The following EML4 variants were observed in gnomAD, a reference collection of about 807,000 sequenced individuals.
EML4 encodes EMAP like 4, also known as echinoderm microtubule-associated protein-like 4.
Under a neutral mutation model 129.0 loss-of-function variants are expected in EML4, and 72 were observed. That is an observed-to-expected ratio of 0.56 (90% CI 0.46 to 0.68). EML4 has a LOEUF of 0.68. Among genes scored for constraint, EML4 ranks in the 30% least tolerant of loss-of-function variants. EML4 has a pLI of 0.00. For missense variants in EML4, 1,363 were observed against 1,190.6 expected (o/e 1.14, Z -2.13); for synonymous variants, 532 against 405.0 (o/e 1.31, Z -3.77).
chr2:42,187,181 C>T (rs541055287), intron 1 of EML4, among the ~76,000 whole-genome samples: 1 of 151,850 alleles, frequency 6.6e-6, no homozygotes, highest in East Asian at 1.9e-4. Flanking sequence ...GTAGCTGGGA[C>T]TATAGGCACA....
At chr2:42,252,140 G>T (rs145347770) in intron 2 of EML4, among the ~76,000 whole-genome samples, 1 of 152,272 alleles carries the variant, frequency 6.6e-6, no homozygotes, top group Non-Finnish European at 1.5e-5. Context: ...TTGAGCTTTG[G>T]AATATGCGGC....
intron 21 of EML4, among the ~76,000 whole-genome samples, chr2:42,327,076 T>C (rs938533994): frequency 3.3e-5 from 5 of 152,198 alleles, no homozygotes; most frequent in Admixed American, 2.6e-4. Flanking sequence ...CTGTATAGTT[T>C]ATATAAGGGG....
At chr2:42,219,562 A>T (rs946323479) in intron 1 of EML4, among the ~76,000 whole-genome samples, 3 of 152,214 alleles carry the variant, frequency 2.0e-5, no homozygotes, top group Non-Finnish European at 2.9e-5. Flanking sequence ...ACAAAATTTT[A>T]AAAAATCAAA....
At chr2:42,220,980 G>T (rs1193670267) in intron 1 of EML4, among the ~76,000 whole-genome samples, 2 of 152,162 alleles carry the variant, frequency 1.3e-5, no homozygotes, top group African/African-American at 4.8e-5. Flanking sequence ...GAAGTTTGAA[G>T]CTAGCAGAGA....
chr2:42,300,631 T>C (rs1668231438), intron 13 of EML4, among the ~76,000 whole-genome samples: 1 of 152,226 alleles, frequency 6.6e-6, no homozygotes, highest in African/African-American at 2.4e-5. Context: ...ACTTCTGTAG[T>C]GCCCCCATAT....
chr2:42,299,358 C>G (rs1668145415), intron 13 of EML4, among the ~76,000 whole-genome samples: 1 of 152,180 alleles, frequency 6.6e-6, no homozygotes, highest in South Asian at 2.1e-4. Flanking sequence ...TAAAAAAGAA[C>G]AATCTCAGTA....
At chr2:42,283,984 A>G (rs1667154254) in intron 8 of EML4, among the ~76,000 whole-genome samples, 1 of 152,220 alleles carries the variant, frequency 6.6e-6, no homozygotes, top group Non-Finnish European at 1.5e-5. Context: ...ATGGACATAA[A>G]GATGTCTTTT....
At position 42,303,408 on chromosome 2, in the gene EML4, T is replaced by C; in HGVS notation, c.1861T>C (p.Ser621Pro). 6.2e-7 allele frequency: 1 copy of C among 1,614,090 alleles called. No homozygotes were observed. Residue 621 changes from serine (S) to proline (P), a missense_variant, in exon 16 of 23, where the codon TCA becomes CCA. Ser to Pro is a moderately conservative substitution (Grantham distance 74). Transcript: ENST00000318522. ...GGACAGGCAGGTGTGCCTGTGGAAC[T>C]CAATGGAACACAGGCTGGAATGGAC... ...AQDRQVCLWN[S>P]MEHRLEWTRL...
At chr2:42,230,695 C>T (rs1043917704) in intron 1 of EML4, among the ~76,000 whole-genome samples, 13 of 152,140 alleles carry the variant, frequency 8.5e-5, no homozygotes, top group Admixed American at 2.0e-4. Context: ...CGTGAGCCAC[C>T]GTGCCCAGCC....
intron 1 of EML4, among the ~76,000 whole-genome samples, chr2:42,202,728 C>G (rs112645906): frequency 6.6e-6 from 1 of 152,082 alleles, no homozygotes; most frequent in South Asian, 2.1e-4. Flanking sequence ...GTGCCCACCC[C>G]GATTGAGGGT....
At chr2:42,260,203 T>C (rs932282516) in intron 3 of EML4, among the ~76,000 whole-genome samples, 25 of 152,182 alleles carry the variant, frequency 1.6e-4, no homozygotes, top group African/African-American at 5.5e-4. Context: ...AGTCTCGCAC[T>C]GTCATCCAGG....
chr2:42,215,634 ATATC>A (rs1673140418), intron 1 of EML4, among the ~76,000 whole-genome samples: 1 of 152,140 alleles, frequency 6.6e-6, no homozygotes, highest in Non-Finnish European at 1.5e-5. Context: ...GGGTTACCAT[ATATC>A]TATCTGTTAT....
At chr2:42,200,852 G>C (rs987626454) in intron 1 of EML4, among the ~76,000 whole-genome samples, 1 of 152,134 alleles carries the variant, frequency 6.6e-6, no homozygotes, top group African/African-American at 2.4e-5. Flanking sequence ...CGCTTTGCAG[G>C]GGACAGTAGG....
At position 42,280,877 on chromosome 2, in the gene EML4, G is replaced by A. The variant is rs149615272; in HGVS notation, c.695G>A (p.Arg232His). ...QEGEYIKMFM[R>H]GRPITMFIPS... Reference sequence around the variant, plus strand: ...GGAGAATATATTAAAATGTTTATGCGCGGTCGGCCAATTACCATGTTCATT... The same window carrying A: ...GGAGAATATATTAAAATGTTTATGCACGGTCGGCCAATTACCATGTTCATT... The change falls in exon 7 of 23, where the codon CGC (arginine) becomes CAC (histidine). Residue 232 changes from arginine to histidine, a missense_variant. By Grantham distance (29) the Arg-to-His change is conservative (BLOSUM62 0). Transcript: ENST00000318522. The A allele has an allele frequency of 8.1e-6, 13 of 1,611,176 alleles. No homozygotes were observed. The highest frequency in any genetic ancestry group is 2.2e-5 in the South Asian group (2 of 90,634).
chr2:42,285,605 C>CTT (rs368135466), intron 9 of EML4, among the ~76,000 whole-genome samples: 7 of 136,506 alleles, frequency 5.1e-5, no homozygotes, highest in Non-Finnish European at 6.4e-5. Flanking sequence ...TTCTTTTTTT[C>CTT]TTTTTTTTTT....
intron 1 of EML4, among the ~76,000 whole-genome samples, chr2:42,224,384 G>A (rs1049542227): frequency 4.6e-5 from 7 of 152,046 alleles, no homozygotes; most frequent in Non-Finnish European, 7.4e-5. Context: ...TCACTGTTTC[G>A]TTCTTTTTTA....
intron 3 of EML4, among the ~76,000 whole-genome samples, chr2:42,259,728 T>C (rs961309464): frequency 4.9e-4 from 64 of 130,158 alleles, no homozygotes; most frequent in African/African-American, 1.5e-3. Context: ...CTTTCTTTTT[T>C]TTTTTTTTTT....
At chr2:42,207,272 A>C (rs778000403) in intron 1 of EML4, among the ~76,000 whole-genome samples, 3 of 152,206 alleles carry the variant, frequency 2.0e-5, no homozygotes, top group Non-Finnish European at 2.9e-5. Context: ...AAATATATCT[A>C]TGTATACACA....
rs372494475 is a variant in EML4, at chr2:42,317,409, T to C, written c.2057-18T>C. 22 of 1,484,988 alleles carry C rather than the reference T, an allele frequency of 1.5e-5. No homozygotes were observed. The highest frequency in any genetic ancestry group is 2.1e-5 in the Non-Finnish European group (22 of 1,069,242). 92.0% of individuals were successfully genotyped at this position (1,484,988 alleles called of 1,614,324 possible). A position where few individuals can be genotyped will look rare whatever the true frequency, so the allele number is the denominator to read the frequency against. ...ATCAGTATATTTCTCTAGTCAACAC[T>C]GACCTATTTTATTCTAGATGGTACC... On this transcript the variant is annotated intron_variant, in intron 18 of 22. Transcript: ENST00000318522.
Sources: gnomAD v4.1 joint callset for allele counts (sites outside exome capture counted in the v4.1 genomes callset) on GRCh38, gnomAD v4.1.1 for gene constraint, MANE v1.5 for transcripts, NCBI Gene and HGNC (gene_info 2026-07-23, HGNC 2026-07-21) for gene names.